The following CSMD1 variants were observed in gnomAD, a reference collection of about 807,000 sequenced individuals.
CSMD1 encodes the protein CUB and sushi domain-containing protein 1.
CSMD1 carries 213 observed loss-of-function variants against 417.5 expected under a neutral mutation model. The ratio of observed to expected loss-of-function variants is 0.51; its 90% CI spans 0.46 to 0.57. The LOEUF (loss-of-function observed/expected upper bound fraction) is 0.57. CSMD1 is among the 20% of genes least tolerant of loss of function. The pLI is 0.00. For missense variants in CSMD1, 6,923 were observed against 4,529.7 expected (o/e 1.53, Z -15.17); for synonymous variants, 2,862 against 1,736.8 (o/e 1.65, Z -16.11).
At chr8:3,873,805 G>A (rs114752583) in intron 5 of CSMD1, among the ~76,000 whole-genome samples, 1 of 152,188 alleles carries the variant, frequency 6.6e-6, no homozygotes, top group African/African-American at 2.4e-5. Context: ...CTGGGAGAAA[G>A]AAAAGCACAC....
chr8:3,899,672 G>C (rs1255594645), intron 5 of CSMD1, among the ~76,000 whole-genome samples: 2 of 152,186 alleles, frequency 1.3e-5, no homozygotes, highest in South Asian at 2.1e-4. Flanking sequence ...GGTGGCTTTT[G>C]TTATAATCTG....
intron 3 of CSMD1, among the ~76,000 whole-genome samples, chr8:4,274,047 G>A (rs1024135766): frequency 6.6e-6 from 1 of 152,106 alleles, no homozygotes; most frequent in Non-Finnish European, 1.5e-5. Context: ...ATGCAGAGTT[G>A]AAGTAAGAAA....
chr8:3,112,364 T>A (rs1313500877), intron 42 of CSMD1, among the ~76,000 whole-genome samples: 1 of 152,172 alleles, frequency 6.6e-6, no homozygotes, highest in Non-Finnish European at 1.5e-5. Context: ...TGTAGTTACA[T>A]AACCACATTA....
intron 3 of CSMD1, among the ~76,000 whole-genome samples, chr8:4,066,354 G>A (rs1442310928): frequency 6.6e-6 from 1 of 152,162 alleles, no homozygotes; most frequent in Admixed American, 6.5e-5. Context: ...CATTGTATGT[G>A]TGTATTTCTA....
chr8:3,467,383 T>C (rs1816844891), intron 12 of CSMD1, among the ~76,000 whole-genome samples: 1 of 152,178 alleles, frequency 6.6e-6, no homozygotes, highest in Admixed American at 6.5e-5. Context: ...GCAGGTCATG[T>C]GGAAAATATG....
chr8:4,416,640 A>C (rs928482853), intron 3 of CSMD1, among the ~76,000 whole-genome samples: 3 of 152,018 alleles, frequency 2.0e-5, no homozygotes, highest in African/African-American at 7.2e-5. Flanking sequence ...AAAATATATA[A>C]AGTACATCAG....
chr8:3,751,323 T>C (rs992937270), intron 6 of CSMD1, among the ~76,000 whole-genome samples: 34 of 146,126 alleles, frequency 2.3e-4, no homozygotes, highest in Non-Finnish European at 3.9e-4. Flanking sequence ...TGTGTGTGTG[T>C]GTGTATATAT....
chr8:4,284,982 T>A (rs1796984605), intron 3 of CSMD1, among the ~76,000 whole-genome samples: 1 of 152,210 alleles, frequency 6.6e-6, no homozygotes, highest in Non-Finnish European at 1.5e-5. Flanking sequence ...CGCCTCACCA[T>A]GCCTCGGTTC....
chr8:3,935,565 T>C (rs1447135396), intron 5 of CSMD1, among the ~76,000 whole-genome samples: 3 of 152,184 alleles, frequency 2.0e-5, no homozygotes, highest in Non-Finnish European at 4.4e-5. Flanking sequence ...TATATGATTG[T>C]ACTTGCTATG....
chr8:3,960,863 T>G (rs933233062), intron 5 of CSMD1, among the ~76,000 whole-genome samples: 9 of 151,990 alleles, frequency 5.9e-5, no homozygotes, highest in Non-Finnish European at 2.9e-5. Flanking sequence ...AATGACACAC[T>G]TTTATACCTA....
intron 2 of CSMD1, among the ~76,000 whole-genome samples, chr8:4,469,501 C>T (rs1800396760): frequency 6.6e-6 from 1 of 152,156 alleles, no homozygotes; most frequent in Non-Finnish European, 1.5e-5. Flanking sequence ...GTAGATTTTA[C>T]CTAGAACCAA....
At chr8:4,329,263 C>A (rs1422766094) in intron 3 of CSMD1, among the ~76,000 whole-genome samples, 1 of 152,048 alleles carries the variant, frequency 6.6e-6, no homozygotes, top group Non-Finnish European at 1.5e-5. Context: ...AAACAAAGAC[C>A]TATTACTAAA....
intron 64 of CSMD1, among the ~76,000 whole-genome samples, chr8:2,955,261 C>G (rs371370127): frequency 6.6e-6 from 1 of 152,082 alleles, no homozygotes. Context: ...GAAACTATAC[C>G]AAGTATTATT....
chr8:4,514,756 G>A (rs1803024496), intron 2 of CSMD1, among the ~76,000 whole-genome samples: 1 of 152,102 alleles, frequency 6.6e-6, no homozygotes, highest in Admixed American at 6.5e-5. Context: ...TGTGAACAGT[G>A]GAGAATAAAG....
At chr8:4,797,763 T>C (rs886612553) in intron 1 of CSMD1, among the ~76,000 whole-genome samples, 8 of 152,204 alleles carry the variant, frequency 5.3e-5, no homozygotes, top group Admixed American at 1.3e-4. Context: ...GTAACTTTTA[T>C]AAATGCTGAG....
intron 5 of CSMD1, among the ~76,000 whole-genome samples, chr8:3,952,428 G>T (rs1327115080): frequency 2.6e-5 from 4 of 152,112 alleles, no homozygotes; most frequent in Non-Finnish European, 5.9e-5. Context: ...TATGTAAAGG[G>T]TAATTATTTT....
At chr8:4,531,361 G>C (rs933801919) in intron 2 of CSMD1, among the ~76,000 whole-genome samples, 1 of 152,160 alleles carries the variant, frequency 6.6e-6, no homozygotes, top group South Asian at 2.1e-4. Context: ...TCTATAATTT[G>C]TATCTTGGGT....
chr8:4,760,465 C>T (rs994643228), intron 1 of CSMD1, among the ~76,000 whole-genome samples: 2 of 152,226 alleles, frequency 1.3e-5, no homozygotes, highest in East Asian at 1.9e-4. Flanking sequence ...TAATATGCTA[C>T]TGACTAATCC....
chr8:3,103,918 T>A (rs1337786335), intron 46 of CSMD1, among the ~76,000 whole-genome samples: 1 of 151,844 alleles, frequency 6.6e-6, no homozygotes, highest in African/African-American at 2.4e-5. Flanking sequence ...TAATTTTGTA[T>A]TTTCAGTAGA....
Sources: allele counts gnomAD v4.1 joint callset (sites outside exome capture counted in the v4.1 genomes callset), GRCh38; gene constraint gnomAD v4.1.1; transcripts MANE v1.5; gene names NCBI Gene and HGNC (gene_info 2026-07-23, HGNC 2026-07-21).